CSMD1: variants seen among roughly 807,000 people sequenced by gnomAD.
The protein encoded by CSMD1 is CUB and Sushi multiple domains 1.
CSMD1 carries 213 observed loss-of-function variants against 417.5 expected under a neutral mutation model. That is an observed-to-expected ratio of 0.51 (90% CI 0.46 to 0.57). The LOEUF is 0.57. Ranked by LOEUF, CSMD1 falls within the 20% of genes least tolerant of loss-of-function variation. The pLI is 0.00. For missense variants in CSMD1, 6,923 were observed against 4,529.7 expected (o/e 1.53, Z -15.17); for synonymous variants, 2,862 against 1,736.8 (o/e 1.65, Z -16.11).
intron 3 of CSMD1, among the ~76,000 whole-genome samples, chr8:4,148,222 G>T (rs899359010): frequency 6.6e-6 from 1 of 151,190 alleles, no homozygotes; most frequent in Admixed American, 6.6e-5. Context: ...GCTATAGACT[G>T]GGCAACTTTA....
At position 3,014,874 on chromosome 8, in the gene CSMD1, C is replaced by G. The variant is rs187974656; in HGVS notation, c.8029+3603G>C. Among the ~76,000 whole-genome samples the G allele has an allele frequency of 6.1e-4, 93 of 151,816 alleles. 2 individuals carry two copies. Among genetic ancestry groups the G allele is most frequent in the African/African-American group, 2.1e-3 (85 of 41,172 alleles). Reference sequence around the variant, plus strand: ...GAGGTAGCAGTGAGCTGTTGTTGCACCACTGCACTCCAGCCTGGGTAACAC... The same window carrying G: ...GAGGTAGCAGTGAGCTGTTGTTGCAGCACTGCACTCCAGCCTGGGTAACAC... On this transcript the variant is annotated intron_variant, in intron 52 of 69. Coordinates refer to ENST00000635120, the MANE Select transcript of CSMD1 (RefSeq NM_033225.6).
intron 7 of CSMD1, among the ~76,000 whole-genome samples, chr8:3,697,386 T>A (rs1800613483): frequency 6.6e-6 from 1 of 152,242 alleles, no homozygotes; most frequent in Non-Finnish European, 1.5e-5. Flanking sequence ...CCTTTGATCA[T>A]CTGAGTTCAT....
intron 1 of CSMD1, among the ~76,000 whole-genome samples, chr8:4,665,775 G>GTT (rs1345239878): frequency 6.6e-6 from 1 of 152,128 alleles, no homozygotes; most frequent in Non-Finnish European, 1.5e-5. Flanking sequence ...TAATATTTGT[G>GTT]TTTGTTTTCC....
At chr8:3,205,127 A>T (rs765229022) in intron 31 of CSMD1, among the ~76,000 whole-genome samples, 2 of 152,208 alleles carry the variant, frequency 1.3e-5, no homozygotes, top group African/African-American at 4.8e-5. Flanking sequence ...CACTGAATGT[A>T]TGTGCCATTC....
rs117993265 is a variant in CSMD1 at position 3,148,156 on chromosome 8, G to A, written c.6031+3241C>T. Among the ~76,000 whole-genome samples, 114 of 152,276 alleles carry A rather than the reference G, an allele frequency of 7.5e-4. No homozygotes were observed. In the East Asian group the frequency reaches 0.021, roughly 28 times the overall value. On this transcript the variant is annotated intron_variant, in intron 40 of 69. Transcript: ENST00000635120. Reference sequence around the variant, plus strand: ...TTTGGGTGTTAATAGGAAGCAACATGAGAGATCAAAAAGGGGAGAAATCAT... The same window carrying A: ...TTTGGGTGTTAATAGGAAGCAACATAAGAGATCAAAAAGGGGAGAAATCAT...
At chr8:3,363,114 C>T (rs1354489297) in intron 20 of CSMD1, among the ~76,000 whole-genome samples, 1 of 152,186 alleles carries the variant, frequency 6.6e-6, no homozygotes, top group Non-Finnish European at 1.5e-5. Flanking sequence ...AACTTGGTGT[C>T]TTGGTCCTCC....
At chr8:4,180,525 T>C (rs1323254757) in intron 3 of CSMD1, among the ~76,000 whole-genome samples, 1 of 151,644 alleles carries the variant, frequency 6.6e-6, no homozygotes, top group Non-Finnish European at 1.5e-5. Flanking sequence ...CATGTATACA[T>C]ATGTAACTAA....
At chr8:3,604,255 G>A (rs1402156288) in intron 8 of CSMD1, among the ~76,000 whole-genome samples, 1 of 152,096 alleles carries the variant, frequency 6.6e-6, no homozygotes, top group African/African-American at 2.4e-5. Context: ...AGAATTTCTG[G>A]CTGGTCAGTG....
At chr8:2,997,878 C>T (rs1807051578) in intron 54 of CSMD1, 133 bp downstream of exon 54, 1 of 817,298 alleles carries the variant, frequency 1.2e-6, no homozygotes. Context: ...AATGCTTTCA[C>T]ACCTGAATGG....
chr8:3,496,428 C>A (rs558844426), intron 10 of CSMD1, among the ~76,000 whole-genome samples: 58 of 152,338 alleles, frequency 3.8e-4, no homozygotes, highest in African/African-American at 1.3e-3. Flanking sequence ...CACTGAACAT[C>A]AACTCCTCCA....
At chr8:3,618,173 A>G (rs1365736769) in intron 7 of CSMD1, among the ~76,000 whole-genome samples, 1 of 152,066 alleles carries the variant, frequency 6.6e-6, no homozygotes, top group East Asian at 1.9e-4. Flanking sequence ...AGATAATTAA[A>G]AAAAAAATCT....
At chr8:3,906,227 C>T (rs757483545) in intron 5 of CSMD1, among the ~76,000 whole-genome samples, 2 of 151,820 alleles carry the variant, frequency 1.3e-5, no homozygotes. Context: ...ATTGTGACCA[C>T]AAAATGCCAT....
At chr8:3,631,443 G>C (rs535902674) in intron 7 of CSMD1, among the ~76,000 whole-genome samples, 16 of 152,348 alleles carry the variant, frequency 1.1e-4, no homozygotes, top group East Asian at 3.9e-4. Context: ...TGAACATTTT[G>C]AGGTCAAGAA....
chr8:3,610,285 C>A (rs565795972), intron 8 of CSMD1, among the ~76,000 whole-genome samples: 190 of 152,232 alleles, frequency 1.2e-3, no homozygotes, highest in Admixed American at 3.9e-3. Context: ...GTAATTCCAG[C>A]AATTTTGAAT....
At chr8:4,812,048 C>T (rs1353399412) in intron 1 of CSMD1, among the ~76,000 whole-genome samples, 3 of 152,152 alleles carry the variant, frequency 2.0e-5, no homozygotes, top group Non-Finnish European at 2.9e-5. Flanking sequence ...AGACAAGGTC[C>T]TGTCATTTAT....
intron 2 of CSMD1, among the ~76,000 whole-genome samples, chr8:4,537,172 G>A (rs1487304007): frequency 6.6e-6 from 1 of 152,104 alleles, no homozygotes; most frequent in Non-Finnish European, 1.5e-5. Flanking sequence ...TTTCTGTCAT[G>A]AGACTACTAT....
intron 12 of CSMD1, among the ~76,000 whole-genome samples, chr8:3,462,130 C>T (rs555847049): frequency 2.0e-5 from 3 of 152,104 alleles, no homozygotes; most frequent in African/African-American, 7.2e-5. Context: ...AGGCCCCCCC[C>T]CCCACCTCCC....
chr8:3,017,759 C>T (rs1457733458), intron 52 of CSMD1, among the ~76,000 whole-genome samples: 1 of 133,510 alleles, frequency 7.5e-6, no homozygotes, highest in Admixed American at 8.8e-5. Context: ...TTTGCCCATG[C>T]AGATTCAGAA....
chr8:3,077,498 G>C (rs1214183510), intron 49 of CSMD1, among the ~76,000 whole-genome samples: 1 of 152,228 alleles, frequency 6.6e-6, no homozygotes, highest in East Asian at 1.9e-4. Context: ...TTCTCCCTGT[G>C]ATGGTCTCTG....
Sources: gnomAD v4.1 joint callset for allele counts (sites outside exome capture counted in the v4.1 genomes callset) on GRCh38, gnomAD v4.1.1 for gene constraint, MANE v1.5 for transcripts, NCBI Gene and HGNC (gene_info 2026-07-23, HGNC 2026-07-21) for gene names.